TNR: variants seen among roughly 807,000 people sequenced by gnomAD.
TNR encodes the protein tenascin-R.
A neutral mutation model predicts 150.4 loss-of-function variants in TNR; 45 were observed. That is an observed-to-expected ratio of 0.30 (90% CI 0.24 to 0.38). The LOEUF (loss-of-function observed/expected upper bound fraction) is 0.38, where lower values mean the gene tolerates loss of function less well. Ranked by LOEUF, TNR falls within the 10% of genes least tolerant of loss-of-function variation. The probability of loss-of-function intolerance (pLI) is 1.00; values close to 1 mark genes in which losing one functional copy is unlikely to be tolerated. For missense variants in TNR, 1,544 were observed against 1,759.1 expected, an observed-to-expected ratio of 0.88 and a Z score of 2.19; for synonymous variants, 687 against 678.4, an observed-to-expected ratio of 1.01 and a Z score of -0.20.
intron 2 of TNR, among the ~76,000 whole-genome samples, chr1:175,508,817 G>A (rs575418644): frequency 1.3e-5 from 2 of 152,336 alleles, no homozygotes; most frequent in African/African-American, 4.8e-5. Flanking sequence ...AATGATTGTT[G>A]TCTTAAGCCA....
chr1:175,504,778 C>A (rs1658882224), intron 2 of TNR, among the ~76,000 whole-genome samples: 2 of 152,216 alleles, frequency 1.3e-5, no homozygotes, highest in Non-Finnish European at 2.9e-5. Flanking sequence ...TAGTCCCCAG[C>A]ACCTCAGAAT....
intron 1 of TNR, among the ~76,000 whole-genome samples, chr1:175,677,439 A>G (rs116760343): frequency 6.6e-6 from 1 of 152,224 alleles, no homozygotes; most frequent in Non-Finnish European, 1.5e-5. Flanking sequence ...GGAAGTAGCC[A>G]CAGGAGGGAG....
rs2298915 is a variant in TNR, at chr1:175,400,337, C to T, written c.976+2803G>A. Among the ~76,000 whole-genome samples the T allele has an allele frequency of 1.2e-4, 18 of 152,232 alleles. No homozygotes were observed. The South Asian group carries it at 1.9e-3, about 16-fold the overall frequency. The stretch of plus-strand genomic sequence containing the variant: ...GAGACCAGGATTCTTTTTCTTACTC[C>T]GCCATTAATTAGCTGTCTGGCTCTG... On this transcript the variant is annotated intron_variant, in intron 4 of 22. Transcript: ENST00000367674.
chr1:175,403,005 G>A (rs190335677), intron 4 of TNR, 135 bp downstream of exon 4: 12 of 765,572 alleles, frequency 1.6e-5, no homozygotes, highest in Middle Eastern at 7.8e-4. Flanking sequence ...GAAAGCAAAT[G>A]AGTACAACTC....
intron 9 of TNR, 105 bp downstream of exon 9, chr1:175,379,447 C>T: frequency 1.0e-6 from 1 of 973,732 alleles, no homozygotes; most frequent in Non-Finnish European, 1.5e-6. Flanking sequence ...GAGATGAGAT[C>T]AATAGGAATT....
chr1:175,354,656 C>G, intron 17 of TNR, 133 bp from the exon 18 acceptor site: 2 of 1,189,234 alleles, frequency 1.7e-6, no homozygotes, highest in South Asian at 2.8e-5. Flanking sequence ...CCTCTCCATC[C>G]CACAATAAGG....
intron 1 of TNR, among the ~76,000 whole-genome samples, chr1:175,709,549 C>A (rs1666941138): frequency 6.6e-6 from 1 of 152,150 alleles, no homozygotes; most frequent in Non-Finnish European, 1.5e-5. Context: ...ATCATTTTGC[C>A]AACAAGAGTT....
chr1:175,471,226 T>C (rs987014316), intron 2 of TNR, among the ~76,000 whole-genome samples: 10 of 152,216 alleles, frequency 6.6e-5, no homozygotes, highest in Non-Finnish European at 4.4e-5. Flanking sequence ...TCTCTGTGCT[T>C]GTTGCATCAC....
chr1:175,636,911 C>T (rs1204608145), intron 1 of TNR, among the ~76,000 whole-genome samples: 1 of 152,210 alleles, frequency 6.6e-6, no homozygotes, highest in Non-Finnish European at 1.5e-5. Flanking sequence ...CCATAACTAA[C>T]ATGCATTAGA....
rs753201758 is a variant in TNR at position 175,645,648 on chromosome 1, G to A, written c.-165+97578C>T. Among the ~76,000 whole-genome samples the A allele has an allele frequency of 6.6e-5, 10 of 152,282 alleles. No homozygotes were observed. The East Asian group carries it at 7.7e-4, about 12-fold the overall frequency. ...AAGTCATGGGCGTGATAACCAACAC[G>A]ACTCAGTGAAGATATTTCTGCAGGG... On this transcript the variant is annotated intron_variant, in intron 1 of 22. Transcript: ENST00000367674.
chr1:175,685,897 G>A (rs886106692), intron 1 of TNR, among the ~76,000 whole-genome samples: 1 of 149,588 alleles, frequency 6.7e-6, no homozygotes, highest in Admixed American at 6.7e-5. Context: ...CTCATGTGTT[G>A]CTCAGAGATT....
intron 1 of TNR, among the ~76,000 whole-genome samples, chr1:175,654,513 C>T (rs866096833): frequency 1.3e-5 from 2 of 152,060 alleles, no homozygotes; most frequent in South Asian, 2.1e-4. Context: ...TTCCAGCTCA[C>T]GGCAATGAGT....
chr1:175,331,033 C>CTTTCT (rs1557867326), intron 20 of TNR, among the ~76,000 whole-genome samples: 14 of 71,026 alleles, frequency 2.0e-4, no homozygotes, highest in African/African-American at 6.0e-4. Context: ...TTCTTTCTTT[C>CTTTCT]TTTCTTTCTT....
intron 1 of TNR, among the ~76,000 whole-genome samples, chr1:175,554,982 C>G (rs1661094095): frequency 6.6e-6 from 1 of 152,228 alleles, no homozygotes; most frequent in Admixed American, 6.5e-5. Context: ...GGTCTCTTTA[C>G]TCTCTGGCCA....
intron 1 of TNR, among the ~76,000 whole-genome samples, chr1:175,639,598 C>T (rs1664591375): frequency 6.6e-6 from 1 of 152,174 alleles, no homozygotes; most frequent in Admixed American, 6.5e-5. Flanking sequence ...TGCCCGGCAG[C>T]CACTCCTCTG....
intron 2 of TNR, among the ~76,000 whole-genome samples, chr1:175,451,377 C>A (rs1381277131): frequency 6.6e-6 from 1 of 152,156 alleles, no homozygotes; most frequent in Non-Finnish European, 1.5e-5. Context: ...CCCCTTCCCC[C>A]ACCCCACAAC....
chr1:175,532,475 T>A (rs1021435567), intron 1 of TNR, among the ~76,000 whole-genome samples: 3 of 152,196 alleles, frequency 2.0e-5, no homozygotes, highest in African/African-American at 4.8e-5. Flanking sequence ...ATGTGAATGT[T>A]TCTTAGAGGG....
At chr1:175,459,828 T>C (rs1656736032) in intron 2 of TNR, among the ~76,000 whole-genome samples, 1 of 151,892 alleles carries the variant, frequency 6.6e-6, no homozygotes, top group Non-Finnish European at 1.5e-5. Context: ...CCCGGAAAGA[T>C]TCTATAAATG....
intron 1 of TNR, among the ~76,000 whole-genome samples, chr1:175,734,295 A>G (rs1235519075): frequency 1.3e-5 from 2 of 152,240 alleles, no homozygotes; most frequent in African/African-American, 4.8e-5. Context: ...GGGCTGTTGT[A>G]AGTCTTTTTG....
Sources: gnomAD v4.1 joint callset for allele counts (sites outside exome capture counted in the v4.1 genomes callset) on GRCh38, gnomAD v4.1.1 for gene constraint, MANE v1.5 for transcripts, NCBI Gene and HGNC (gene_info 2026-07-23, HGNC 2026-07-21) for gene names.